Variants in FBLN7 observed in about 807,000 individuals in gnomAD.
FBLN7 encodes the protein fibulin-7.
FBLN7 carries 31 observed loss-of-function variants against 44.0 expected under a neutral mutation model. That is an observed-to-expected ratio of 0.70 (90% CI 0.53 to 0.95). The LOEUF is 0.95. FBLN7 is among the 40% of genes least tolerant of loss of function. The pLI is 0.00. For synonymous variants in FBLN7, 262 were observed against 253.4 expected (o/e 1.03, Z -0.32); for missense variants, 573 against 618.5 (o/e 0.93, Z 0.78).
chr2:112,182,853 G>C lies in FBLN7; in HGVS notation c.733G>C (p.Val245Leu). The change falls in exon 6 of 8, where the codon GTG (valine) becomes CTG (leucine). Residue 245 changes from valine (V) to leucine (L), a missense_variant. Coordinates refer to ENST00000331203, the MANE Select transcript of FBLN7 (RefSeq NM_153214.3). ...GRPRLCMHAC[V>L]NTPGSYRCTC... ...CCCCCGGCTCTGCATGCACGCCTGC[G>C]TGAACACCCCGGGCTCTTACCGTTG... is the stretch of plus-strand genomic sequence containing the variant. 6.2e-7 allele frequency: 1 copy of C among 1,612,896 alleles called. No individual in the cohort carries two copies. The highest frequency in any genetic ancestry group is 8.5e-7 in the Non-Finnish European group (1 of 1,179,776).
chr2:112,215,671 T>C, the FBLN7 span: 13 of 152,326 alleles, frequency 8.5e-5, no homozygotes, highest in South Asian at 6.2e-4. Flanking sequence ...TATTACTATA[T>C]AAAACTGCAT....
At chr2:112,158,072 T>G (rs1412574095) in intron 1 of FBLN7, among the ~76,000 whole-genome samples, 1 of 151,822 alleles carries the variant, frequency 6.6e-6, no homozygotes, top group African/African-American at 2.4e-5. Flanking sequence ...TAATTTTTTG[T>G]ATTTTTAGTA....
chr2:112,138,561 C>T lies in FBLN7; in HGVS notation c.-95C>T. On this transcript the variant is annotated 5_prime_UTR_variant, in exon 1 of 8. Coordinates refer to ENST00000331203, the MANE Select transcript of FBLN7 (RefSeq NM_153214.3). ...CGCCCCCCGGCCGCGCGGCGCCCCG[C>T]ACCCTGCAGGGACGGCTGCCGCATC... 1.3e-6 allele frequency: 2 copies of T among 1,591,154 alleles called. No individual in the cohort carries two copies. Among genetic ancestry groups the T allele is most frequent in the Non-Finnish European group, 1.7e-6 (2 of 1,166,908 alleles).
Position 112,187,139 on chromosome 2 carries a change from G to A in FBLN7, c.953G>A (p.Cys318Tyr), listed in dbSNP as rs763894916. Residue 318 changes from cysteine to tyrosine, a missense_variant, in exon 8 of 8, where the codon TGT becomes TAT. Transcript: ENST00000331203. This position sits in a 1 kb window ranked among gnomAD's most constrained non-coding sequence, Gnocchi z 5.1. ...ATTTTGCCTCTCCGCTCCAGCCAGTGTGAGCGGAACCCCTGCCCCATGGAC... is the reference window on the plus strand; with the variant it reads ...ATTTTGCCTCTCCGCTCCAGCCAGTATGAGCGGAACCCCTGCCCCATGGAC... The part of the protein sequence containing the change: ...VSYVKTSPFQ[C>Y]ERNPCPMDSR... The A allele has an allele frequency of 6.2e-7, 1 of 1,613,818 alleles. No homozygotes were observed. The highest frequency in any genetic ancestry group is 1.1e-5 in the South Asian group (1 of 91,066).
chr2:112,215,073 T>G, the FBLN7 span: 2 of 152,168 alleles, frequency 1.3e-5, no homozygotes, highest in African/African-American at 4.8e-5. Flanking sequence ...ATAAAATCTA[T>G]ACTTTATAAG....
At chr2:112,233,491 T>C in the FBLN7 span, 9 of 669,080 alleles carry the variant, frequency 1.3e-5, no homozygotes, top group East Asian at 2.3e-4. Flanking sequence ...GTCTTAGAGG[T>C]AGCACATTCT....
chr2:112,174,379 A>G (rs6760288), intron 3 of FBLN7, among the ~76,000 whole-genome samples: 14,670 of 152,184 alleles, frequency 0.096, 2,080 homozygotes, highest in African/African-American at 0.32. Flanking sequence ...TTTTGCAACA[A>G]ATAGAAACTG....
chr2:112,166,222 C>T (rs1160254124), intron 3 of FBLN7, among the ~76,000 whole-genome samples: 2 of 152,100 alleles, frequency 1.3e-5, no homozygotes, highest in African/African-American at 2.4e-5. Flanking sequence ...AGCTAACTTT[C>T]GTATGTTTAG....
At chr2:112,240,691 C>T in the FBLN7 span, among the ~76,000 whole-genome samples, 2 of 152,124 alleles carry the variant, frequency 1.3e-5, no homozygotes, top group South Asian at 2.1e-4. Context: ...TTTTATTATA[C>T]AGTAGGGATA....
intron 1 of FBLN7, 146 bp from the exon 2 acceptor site, chr2:112,159,529 TC>T: frequency 1.1e-6 from 1 of 900,402 alleles, no homozygotes; most frequent in Non-Finnish European, 1.6e-6. Context: ...CTTGGGGCTG[TC>T]CAGCGGCAGG....
the FBLN7 span, among the ~76,000 whole-genome samples, chr2:112,216,969 G>C: frequency 6.6e-6 from 1 of 152,140 alleles, no homozygotes; most frequent in Admixed American, 6.5e-5. Flanking sequence ...AAATGTGAAT[G>C]GTCTTAATCC....
chr2:112,185,037 C>A (rs1346401125), intron 6 of FBLN7, among the ~76,000 whole-genome samples, 164 bp from the exon 7 acceptor site: 1 of 151,812 alleles, frequency 6.6e-6, no homozygotes, highest in Non-Finnish European at 1.5e-5. Context: ...TTCCTCAGGG[C>A]CCTGATTCCA....
At chr2:112,232,337 C>T in the FBLN7 span, among the ~76,000 whole-genome samples, 1 of 141,434 alleles carries the variant, frequency 7.1e-6, no homozygotes, top group Non-Finnish European at 1.6e-5. Context: ...AAAAAAAAGA[C>T]CTTTCCTACT....
At chr2:112,218,137 T>C in the FBLN7 span, among the ~76,000 whole-genome samples, 1 of 152,220 alleles carries the variant, frequency 6.6e-6, no homozygotes, top group South Asian at 2.1e-4. Flanking sequence ...CACATGTACT[T>C]TTCTTAGGAA....
At chr2:112,155,651 C>T (rs556244669) in intron 1 of FBLN7, among the ~76,000 whole-genome samples, 1 of 152,190 alleles carries the variant, frequency 6.6e-6, no homozygotes, top group East Asian at 1.9e-4. Flanking sequence ...AAGGTTTTTC[C>T]GTGGTAACTG....
intron 2 of FBLN7, among the ~76,000 whole-genome samples, 187 bp from the exon 3 acceptor site, chr2:112,164,814 C>A (rs1432175247): frequency 6.6e-6 from 1 of 152,194 alleles, no homozygotes; most frequent in Admixed American, 6.5e-5. Context: ...AGGCATCGTA[C>A]CACCCATCCC....
chr2:112,227,278 A>C, the FBLN7 span, among the ~76,000 whole-genome samples: 1 of 152,240 alleles, frequency 6.6e-6, no homozygotes, highest in East Asian at 1.9e-4. Flanking sequence ...TAATCCCAGC[A>C]CTTTGGGAGG....
chr2:112,185,710 T>C (rs1683236882), intron 7 of FBLN7, among the ~76,000 whole-genome samples: 1 of 152,006 alleles, frequency 6.6e-6, no homozygotes, highest in African/African-American at 2.4e-5. Context: ...ATAGATCACA[T>C]GGATTTGGGA....
intron 1 of FBLN7, among the ~76,000 whole-genome samples, chr2:112,156,111 C>T (rs1285322357): frequency 1.3e-5 from 2 of 152,200 alleles, no homozygotes; most frequent in African/African-American, 4.8e-5. Flanking sequence ...CTTCCTGCCC[C>T]CGCTGCCCAG....
Sources: allele counts gnomAD v4.1 joint callset (sites outside exome capture counted in the v4.1 genomes callset), GRCh38; gene constraint gnomAD v4.1.1; non-coding constraint Gnocchi (gnomAD v3.1); transcripts MANE v1.5; gene names NCBI Gene and HGNC (gene_info 2026-07-23, HGNC 2026-07-21).